BABAM2: variants seen among roughly 807,000 people sequenced by gnomAD.
BABAM2 encodes BRISC and BRCA1 A complex member 2, also known as BRISC and BRCA1-A complex member 2.
BABAM2 carries 31 observed loss-of-function variants against 54.7 expected under a neutral mutation model. That is an observed-to-expected ratio of 0.57 (90% CI 0.43 to 0.77). The LOEUF is 0.77. Among genes scored for constraint, BABAM2 ranks in the 30% least tolerant of loss-of-function variants. The pLI is 0.00. For synonymous variants in BABAM2, 167 were observed against 162.9 expected (o/e 1.03, Z -0.19); for missense variants, 364 against 455.8 (o/e 0.80, Z 1.83).
chr2:28,286,833 A>C (rs1462109278), intron 10 of BABAM2, among the ~76,000 whole-genome samples: 1 of 152,136 alleles, frequency 6.6e-6, no homozygotes, highest in Non-Finnish European at 1.5e-5. Flanking sequence ...GGCCTTACTC[A>C]GCTGGGTTTC....
At chr2:27,942,439 C>T (rs1668965153) in intron 3 of BABAM2, among the ~76,000 whole-genome samples, 1 of 152,218 alleles carries the variant, frequency 6.6e-6, no homozygotes, top group Non-Finnish European at 1.5e-5. Flanking sequence ...CAACTCACAG[C>T]AACCTCTGCC....
At chr2:28,041,469 A>G (rs1212124134) in intron 5 of BABAM2, among the ~76,000 whole-genome samples, 2 of 152,232 alleles carry the variant, frequency 1.3e-5, no homozygotes, top group African/African-American at 2.4e-5. Context: ...CAGTTGTTCC[A>G]CATAGATGTA....
intron 6 of BABAM2, among the ~76,000 whole-genome samples, chr2:28,124,335 G>A (rs778597082): frequency 2.6e-5 from 4 of 152,066 alleles, no homozygotes; most frequent in South Asian, 4.1e-4. Context: ...GTTTCTGTTC[G>A]TTGCAGACCC....
intron 6 of BABAM2, among the ~76,000 whole-genome samples, chr2:28,084,440 T>TTG: frequency 6.6e-6 from 1 of 152,020 alleles, no homozygotes; most frequent in East Asian, 1.9e-4. Context: ...GCTCACCACT[T>TTG]TGTGTGTGTG....
intron 4 of BABAM2, among the ~76,000 whole-genome samples, chr2:27,990,963 C>G (rs1307702789): frequency 2.6e-5 from 4 of 152,002 alleles, no homozygotes. Context: ...TTTCTAAACT[C>G]AGACTCTTCA....
At chr2:28,179,545 G>A (rs779079655) in intron 7 of BABAM2, among the ~76,000 whole-genome samples, 6 of 152,162 alleles carry the variant, frequency 3.9e-5, no homozygotes, top group Non-Finnish European at 8.8e-5. Flanking sequence ...AAAGCTGAAA[G>A]CCTTTCCTTT....
intron 6 of BABAM2, among the ~76,000 whole-genome samples, chr2:28,102,002 A>C (rs1040726765): frequency 2.6e-5 from 4 of 152,204 alleles, no homozygotes; most frequent in African/African-American, 9.7e-5. Flanking sequence ...CTTGGTATCA[A>C]TTGTTGTAAA....
chr2:28,285,896 A>G (rs1462638470), intron 10 of BABAM2, among the ~76,000 whole-genome samples: 1 of 151,770 alleles, frequency 6.6e-6, no homozygotes, highest in Admixed American at 6.6e-5. Flanking sequence ...TTTTGTAGAG[A>G]GGAATTGGTT....
chr2:28,196,969 C>T (rs751165040), intron 7 of BABAM2, among the ~76,000 whole-genome samples: 4 of 150,150 alleles, frequency 2.7e-5, no homozygotes, highest in South Asian at 2.1e-4. Context: ...CTTGGCCTCC[C>T]GAATAGATGG....
intron 6 of BABAM2, among the ~76,000 whole-genome samples, chr2:28,046,025 A>G (rs1457405165): frequency 6.6e-6 from 1 of 152,240 alleles, no homozygotes. Flanking sequence ...TAAAATTATT[A>G]TAAGTGAATT....
chr2:28,214,283 C>T (rs1313943035), intron 7 of BABAM2, among the ~76,000 whole-genome samples: 2 of 152,116 alleles, frequency 1.3e-5, no homozygotes, highest in Non-Finnish European at 2.9e-5. Context: ...AAAGAAGTCT[C>T]TTGTGCTGCC....
chr2:28,282,297 G>A (rs1451437498), intron 10 of BABAM2, among the ~76,000 whole-genome samples: 1 of 152,026 alleles, frequency 6.6e-6, no homozygotes, highest in Non-Finnish European at 1.5e-5. Context: ...AGCTTAACTT[G>A]GTCTGAAAGA....
intron 10 of BABAM2, among the ~76,000 whole-genome samples, chr2:28,252,747 A>G (rs1374780142): frequency 6.6e-6 from 1 of 152,178 alleles, no homozygotes; most frequent in African/African-American, 2.4e-5. Context: ...CATGCAATGA[A>G]TTTTTCCCCT....
intron 5 of BABAM2, among the ~76,000 whole-genome samples, chr2:28,033,139 G>A (rs1280539756): frequency 1.3e-5 from 2 of 152,004 alleles, no homozygotes; most frequent in Non-Finnish European, 2.9e-5. Flanking sequence ...GCTATTGAAA[G>A]TATATATCCT....
intron 4 of BABAM2, among the ~76,000 whole-genome samples, chr2:28,001,672 A>G (rs1327027895): frequency 1.3e-5 from 2 of 152,208 alleles, no homozygotes; most frequent in Admixed American, 6.5e-5. Context: ...GCTTCTGGAA[A>G]GAGCCTCAGG....
At chr2:28,098,345 G>A (rs1438694304) in intron 6 of BABAM2, among the ~76,000 whole-genome samples, 1 of 152,074 alleles carries the variant, frequency 6.6e-6, no homozygotes, top group East Asian at 1.9e-4. Flanking sequence ...TCTGGCTACG[G>A]CCCATAGTAT....
chr2:27,980,386 T>C (rs1671915018), intron 3 of BABAM2, among the ~76,000 whole-genome samples: 3 of 152,230 alleles, frequency 2.0e-5, no homozygotes, highest in Admixed American at 2.0e-4. Context: ...GTCTCTGCCT[T>C]GAGGTCAGGT....
At chr2:28,315,060 G>A (rs1689407075) in intron 11 of BABAM2, among the ~76,000 whole-genome samples, 1 of 140,468 alleles carries the variant, frequency 7.1e-6, no homozygotes, top group Non-Finnish European at 1.5e-5. Flanking sequence ...GGGGAGGGGA[G>A]GGGAAAGGGG....
intron 3 of BABAM2, among the ~76,000 whole-genome samples, chr2:27,964,415 A>G (rs1268151965): frequency 1.3e-5 from 2 of 152,254 alleles, no homozygotes; most frequent in Non-Finnish European, 2.9e-5. Context: ...AATTAGTTGT[A>G]TAAGTAGAGG....
Sources: gnomAD v4.1 joint callset for allele counts (sites outside exome capture counted in the v4.1 genomes callset) on GRCh38, gnomAD v4.1.1 for gene constraint, MANE v1.5 for transcripts, NCBI Gene and HGNC (gene_info 2026-07-23, HGNC 2026-07-21) for gene names.